The following PEMT variants were observed in gnomAD, a reference collection of about 807,000 sequenced individuals.
PEMT encodes phosphatidylethanolamine N-methyltransferase.
In PEMT, 23 loss-of-function variants were observed where a neutral mutation model predicts 27.4. The ratio of observed to expected loss-of-function variants is 0.84; its 90% CI spans 0.60 to 1.19. PEMT has a LOEUF of 1.19. Among genes scored for constraint, PEMT ranks in the 50% most tolerant of loss-of-function variants. The probability of loss-of-function intolerance (pLI) is 0.00; values close to 1 mark genes in which losing one functional copy is unlikely to be tolerated. For synonymous variants in PEMT, 137 were observed against 139.1 expected (o/e 0.98, Z 0.11); for missense variants, 307 against 310.1 (o/e 0.99, Z 0.07).
intron 2 of PEMT, among the ~76,000 whole-genome samples, chr17:17,560,494 C>G (rs1567725490): frequency 1.3e-5 from 2 of 152,188 alleles, no homozygotes; most frequent in Admixed American, 1.3e-4. Flanking sequence ...GCTAACCTAT[C>G]CAAAGCCACA....
At chr17:17,555,478 T>C (rs942661998) in intron 2 of PEMT, among the ~76,000 whole-genome samples, 3 of 152,184 alleles carry the variant, frequency 2.0e-5, no homozygotes, top group Non-Finnish European at 4.4e-5. Flanking sequence ...GGAGGAACTT[T>C]CCAGAACTGC....
At chr17:17,529,147 G>A (rs1045306148) in intron 2 of PEMT, among the ~76,000 whole-genome samples, 4 of 152,188 alleles carry the variant, frequency 2.6e-5, no homozygotes, top group South Asian at 4.1e-4. Flanking sequence ...ATGAACAGGC[G>A]GCTCTCCGAG....
chr17:17,506,887 C>T, intron 5 of PEMT: 1 of 485,804 alleles, frequency 2.1e-6, no homozygotes, highest in Non-Finnish European at 3.7e-6. Flanking sequence ...AACACCTAGC[C>T]CAGCTTGGGC....
At chr17:17,553,047 T>C (rs1390467146) in intron 2 of PEMT, among the ~76,000 whole-genome samples, 1 of 152,208 alleles carries the variant, frequency 6.6e-6, no homozygotes, top group Non-Finnish European at 1.5e-5. Context: ...GAAACCAGCA[T>C]GCAGGTTTCC....
intron 2 of PEMT, among the ~76,000 whole-genome samples, chr17:17,535,372 C>T (rs1908386957): frequency 6.6e-6 from 1 of 152,046 alleles, no homozygotes; most frequent in South Asian, 2.1e-4. Flanking sequence ...TCAAGACCAT[C>T]CTGGCCAACG....
chr17:17,584,126 C>T (rs3760188), intron 1 of PEMT, among the ~76,000 whole-genome samples: 50,818 of 152,050 alleles, frequency 0.33, 10,000 homozygotes, highest in Middle Eastern at 0.47. Context: ...CTTCTCACTC[C>T]TCTGCTGGTT....
intron 2 of PEMT, among the ~76,000 whole-genome samples, chr17:17,534,623 AC>A (rs1157889793): frequency 6.6e-6 from 1 of 152,096 alleles, no homozygotes; most frequent in African/African-American, 2.4e-5. Context: ...GATTGCTTGA[AC>A]CCAGGAGTTT....
chr17:17,571,774 G>A lies in PEMT; in HGVS notation c.204+5146C>T, dbSNP rs372847964. On this transcript the variant is annotated intron_variant, in intron 2 of 6. Coordinates refer to ENST00000255389, the MANE Select transcript of PEMT (RefSeq NM_148172.3). Reference sequence around the variant, plus strand: ...CCCAAACTGGAGTTCAGTGGCTTGAGCACAACTCATGGCAGCCTCGACCCC... The same window carrying A: ...CCCAAACTGGAGTTCAGTGGCTTGAACACAACTCATGGCAGCCTCGACCCC... 9.2e-5 allele frequency among the ~76,000 whole-genome samples: 14 copies of A among 151,504 alleles called. No homozygotes were observed. The East Asian group carries it at 2.7e-3, about 29-fold the overall frequency.
intron 1 of PEMT, among the ~76,000 whole-genome samples, chr17:17,588,708 G>A (rs1912448772): frequency 6.6e-6 from 1 of 152,180 alleles, no homozygotes; most frequent in Non-Finnish European, 1.5e-5. Context: ...GCCAGCCTGG[G>A]TGCCCGCACC....
At chr17:17,522,425 A>T in intron 2 of PEMT, 30 bp from the exon 3 acceptor site, 36 of 1,246,146 alleles carry the variant, frequency 2.9e-5, no homozygotes, top group Non-Finnish European at 3.8e-5. Context: ...CAAGAACGAG[A>T]TATTTCCTGG....
chr17:17,509,901 C>T (rs988902924), intron 4 of PEMT, among the ~76,000 whole-genome samples: 7 of 152,158 alleles, frequency 4.6e-5, no homozygotes, highest in African/African-American at 1.7e-4. Context: ...AGCGCCTTTC[C>T]TCCTCAGGCC....
rs1356228326 is a variant in PEMT at position 17,586,268 on chromosome 17, GAAAGAAAGAAAGAAAGAAAGAAAAAA to G, written c.96+5237_96+5262del. 1.8e-3 allele frequency among the ~76,000 whole-genome samples: 197 copies of G among 109,790 alleles called. 5 individuals are homozygous for G. Among genetic ancestry groups the G allele is most frequent in the African/African-American group, 7.5e-3 (188 of 24,974 alleles). The allele number at this position is 109,790 out of a possible 152,430, so 72.0% of individuals were successfully genotyped here. On this transcript the variant is annotated intron_variant, in intron 1 of 6. Transcript: ENST00000255389. ...AGAAAGAAAGAAAGAAAGAAAGAAA[GAAAGAAAGAAAGAAAGAAAGAAAAAA>G]AAAAACGCAGGTGGAAAATCGGGAG...
chr17:17,525,863 G>C (rs1907624916), intron 2 of PEMT, among the ~76,000 whole-genome samples: 2 of 152,152 alleles, frequency 1.3e-5, no homozygotes, highest in Admixed American at 6.5e-5. Context: ...GCACAGTGGT[G>C]TGCACCTGTA....
chr17:17,533,200 T>C (rs1232437976), intron 2 of PEMT, among the ~76,000 whole-genome samples: 1 of 152,198 alleles, frequency 6.6e-6, no homozygotes, highest in Non-Finnish European at 1.5e-5. Flanking sequence ...GCAAGTGATT[T>C]CCAACAAGGC....
At position 17,554,765 on chromosome 17, in the gene PEMT, G is replaced by A. The variant is rs992243845; in HGVS notation, c.204+22155C>T. Among the ~76,000 whole-genome samples the A allele has an allele frequency of 7.9e-5, 12 of 152,118 alleles. No homozygotes were observed. The East Asian group carries it at 1.7e-3, about 22-fold the overall frequency. ...CGAGTAGCTGGGATTACAGGTGCCC[G>A]CCACCACTCCTGGCTAATTTTTGTA... On this transcript the variant is annotated intron_variant, in intron 2 of 6. Coordinates refer to ENST00000255389, the MANE Select transcript of PEMT (RefSeq NM_148172.3).
At chr17:17,577,979 T>C (rs1452575366) in intron 1 of PEMT, among the ~76,000 whole-genome samples, 2 of 140,040 alleles carry the variant, frequency 1.4e-5, no homozygotes, top group Non-Finnish European at 3.0e-5. Flanking sequence ...ATCGCGCCAC[T>C]GCACTCCAGC....
intron 4 of PEMT, among the ~76,000 whole-genome samples, chr17:17,510,591 G>C (rs1267875934): frequency 6.6e-6 from 1 of 152,222 alleles, no homozygotes; most frequent in East Asian, 1.9e-4. Context: ...GGTGTGCGTA[G>C]ATGGCACAGA....
chr17:17,579,337 G>A (rs1182183625), intron 1 of PEMT, among the ~76,000 whole-genome samples: 2 of 152,230 alleles, frequency 1.3e-5, no homozygotes, highest in African/African-American at 2.4e-5. Context: ...TCCCTGAGGT[G>A]CAAACAATCA....
intron 2 of PEMT, among the ~76,000 whole-genome samples, chr17:17,553,897 A>T (rs1272805227): frequency 6.6e-6 from 1 of 152,126 alleles, no homozygotes. Context: ...ACTTGGGGGA[A>T]CCACTCGCCC....
Sources: gnomAD v4.1 joint callset for allele counts (sites outside exome capture counted in the v4.1 genomes callset) on GRCh38, gnomAD v4.1.1 for gene constraint, MANE v1.5 for transcripts, NCBI Gene and HGNC (gene_info 2026-07-23, HGNC 2026-07-21) for gene names.